Variants in C16orf96 observed in about 807,000 individuals in gnomAD.
C16orf96 encodes the protein uncharacterized protein C16orf96.
C16orf96 carries 108 observed loss-of-function variants against 103.6 expected under a neutral mutation model. The ratio of observed to expected loss-of-function variants is 1.04; its 90% CI spans 0.89 to 1.22. The LOEUF (loss-of-function observed/expected upper bound fraction) is 1.22. Among genes scored for constraint, C16orf96 ranks in the 50% most tolerant of loss-of-function variants. The pLI is 0.00. For missense variants in C16orf96, 1,586 were observed against 1,464.2 expected (o/e 1.08, Z -1.36); for synonymous variants, 566 against 593.5 (o/e 0.95, Z 0.67).
At chr16:4,597,085 TG>T (rs942764053) in intron 14 of C16orf96, among the ~76,000 whole-genome samples, 1 of 11,198 alleles carries the variant, frequency 8.9e-5, no homozygotes, top group Non-Finnish European at 4.5e-3. Flanking sequence ...TGTATCTTTT[TG>T]GGGAGCACAT....
chr16:4,568,965 G>A (rs2059409622), intron 1 of C16orf96, among the ~76,000 whole-genome samples: 1 of 151,580 alleles, frequency 6.6e-6, no homozygotes, highest in African/African-American at 2.4e-5. Context: ...GTTTTTTCGA[G>A]ATGGAGTCTT....
At chr16:4,564,320 G>C (rs948952561) in intron 1 of C16orf96, among the ~76,000 whole-genome samples, 3 of 152,108 alleles carry the variant, frequency 2.0e-5, no homozygotes, top group African/African-American at 7.2e-5. Flanking sequence ...ATATGTGCAC[G>C]CAGCTTCTGC....
chr16:4,556,030 A>C (rs117324982), upstream of C16orf96, among the ~76,000 whole-genome samples: 60 of 152,158 alleles, frequency 3.9e-4, 2 homozygotes, highest in East Asian at 0.011. Flanking sequence ...ATCTCTTTGT[A>C]AAACCTGGGT....
At chr16:4,587,191 A>C (rs1896946912) in intron 8 of C16orf96, 78 bp downstream of exon 8, 2 of 1,315,236 alleles carry the variant, frequency 1.5e-6, no homozygotes, top group Non-Finnish European at 2.1e-6. Flanking sequence ...AGCCCACCAA[A>C]GAGTCTTCCA....
At chr16:4,564,854 A>T (rs142522491) in intron 1 of C16orf96, among the ~76,000 whole-genome samples, 1 of 152,160 alleles carries the variant, frequency 6.6e-6, no homozygotes, top group Admixed American at 6.6e-5. Context: ...GTTTTTAACT[A>T]TTTTGTAACA....
chr16:4,591,519 A>G lies in C16orf96; in HGVS notation c.2593-147A>G, dbSNP rs189795941. On this transcript the variant is annotated intron_variant, in intron 9 of 15. Coordinates refer to ENST00000444310, the MANE Select transcript of C16orf96 (RefSeq NM_001145011.2). ...GGTTGAGCCTCATCGAAGCTGTGTC[A>G]TTTTCCCTTTCCTGGACTCCCTCAC... The G allele has an allele frequency of 1.2e-4, 83 of 664,100 alleles. 1 individual carries two copies. The highest frequency in any genetic ancestry group is 1.2e-3 in the South Asian group (66 of 56,222). The allele number at this position is 664,100 out of a possible 1,614,324, so 41.1% of individuals were successfully genotyped here. A position where few individuals can be genotyped will look rare whatever the true frequency, so the allele number is the denominator to read the frequency against.
At chr16:4,582,973 C>T (rs1323987298) in intron 7 of C16orf96, among the ~76,000 whole-genome samples, 2 of 152,130 alleles carry the variant, frequency 1.3e-5, no homozygotes, top group African/African-American at 2.4e-5. Context: ...CGGTGGCTCA[C>T]GCCTGTAATC....
chr16:4,570,830 G>A (rs11644495), intron 1 of C16orf96, among the ~76,000 whole-genome samples: 38,606 of 151,926 alleles, frequency 0.25, 5,276 homozygotes, highest in Middle Eastern at 0.34. Flanking sequence ...AATTTCTGCA[G>A]GCAGCCTGCT....
intron 2 of C16orf96, among the ~76,000 whole-genome samples, chr16:4,572,302 A>ATTTTTT (rs751979444): frequency 2.8e-4 from 6 of 21,622 alleles, no homozygotes; most frequent in Admixed American, 1.7e-3. Flanking sequence ...CAATACTTAT[A>ATTTTTT]TTTCTTTTTT....
At chr16:4,588,534 G>A (rs963262814) in intron 9 of C16orf96, among the ~76,000 whole-genome samples, 4 of 152,060 alleles carry the variant, frequency 2.6e-5, no homozygotes, top group African/African-American at 9.7e-5. Flanking sequence ...CTCGAATGAG[G>A]CTGGATGAGC....
chr16:4,599,798 A>G (rs1187019685), intron 15 of C16orf96, among the ~76,000 whole-genome samples: 1 of 152,212 alleles, frequency 6.6e-6, no homozygotes, highest in Admixed American at 6.5e-5. Context: ...CTGTGGCCCA[A>G]GATCACAGAG....
chr16:4,548,164 C>G, the C16orf96 span, among the ~76,000 whole-genome samples: 1 of 152,096 alleles, frequency 6.6e-6, no homozygotes, highest in African/African-American at 2.4e-5. Context: ...AACGCAGGCC[C>G]GGAGACAGGA....
intron 11 of C16orf96, among the ~76,000 whole-genome samples, chr16:4,592,670 A>G (rs778526086): frequency 2.6e-5 from 4 of 152,204 alleles, no homozygotes; most frequent in Non-Finnish European, 5.9e-5. Flanking sequence ...CAAGATACAC[A>G]TGTCCACATA....
chr16:4,580,900 G>A lies in C16orf96; in HGVS notation c.2352+775G>A, dbSNP rs1158703366. Among the ~76,000 whole-genome samples, 7 of 151,810 alleles carry A rather than the reference G, an allele frequency of 4.6e-5. No homozygotes were observed. In the South Asian group the frequency reaches 1.0e-3, roughly 23 times the overall value. On this transcript the variant is annotated intron_variant, in intron 7 of 15. Transcript: ENST00000444310. ...AGCACTTTAGGAGGCTGAGGTGGGC[G>A]GATCATCTGAGATCGGGAGTTCGAG...
At chr16:4,546,428 G>A in the C16orf96 span, among the ~76,000 whole-genome samples, 1 of 146,538 alleles carries the variant, frequency 6.8e-6, no homozygotes, top group Non-Finnish European at 1.5e-5. Flanking sequence ...AGAGTGCTGC[G>A]ATTACAGGCG....
At chr16:4,587,295 G>A (rs573005174) in intron 8 of C16orf96, among the ~76,000 whole-genome samples, 182 bp downstream of exon 8, 31 of 152,230 alleles carry the variant, frequency 2.0e-4, no homozygotes, top group Admixed American at 3.3e-4. Flanking sequence ...AGGCCAAGGC[G>A]GGTGGATCAC....
At chr16:4,573,223 A>T (rs1347138387) in intron 2 of C16orf96, among the ~76,000 whole-genome samples, 1 of 152,056 alleles carries the variant, frequency 6.6e-6, no homozygotes, top group Admixed American at 6.6e-5. Context: ...GGATCACCTG[A>T]GGTCAGGAGT....
At chr16:4,548,953 A>C in the C16orf96 span, among the ~76,000 whole-genome samples, 1 of 151,090 alleles carries the variant, frequency 6.6e-6, no homozygotes, top group Non-Finnish European at 1.5e-5. Context: ...ACACAGTGGC[A>C]CTGGGGATGT....
chr16:4,548,223 C>A, the C16orf96 span, among the ~76,000 whole-genome samples: 2 of 152,180 alleles, frequency 1.3e-5, no homozygotes, highest in Non-Finnish European at 2.9e-5. Context: ...CAGGAGCCCA[C>A]GGCTGTCCTG....
Sources: gnomAD v4.1 joint callset for allele counts (sites outside exome capture counted in the v4.1 genomes callset) on GRCh38, gnomAD v4.1.1 for gene constraint, MANE v1.5 for transcripts, NCBI Gene and HGNC (gene_info 2026-07-23, HGNC 2026-07-21) for gene names.